FOXI3: variants seen among roughly 807,000 people sequenced by gnomAD.
The protein encoded by FOXI3 is forkhead box I3, also known as forkhead box protein I3.
A neutral mutation model predicts 15.6 loss-of-function variants in FOXI3; 4 were observed. That is an observed-to-expected ratio of 0.26 (90% CI 0.13 to 0.59). The LOEUF is 0.59. Among genes scored for constraint, FOXI3 ranks in the 20% least tolerant of loss-of-function variants. The pLI, the probability that FOXI3 is intolerant of heterozygous loss-of-function variation, is 0.90. For synonymous variants in FOXI3, 238 were observed against 244.4 expected (o/e 0.97, Z 0.25); for missense variants, 489 against 548.2 (o/e 0.89, Z 1.08).
chr2:88,449,788 C>T (rs1478341963), intron 1 of FOXI3, among the ~76,000 whole-genome samples: 2 of 152,058 alleles, frequency 1.3e-5, no homozygotes, highest in South Asian at 2.1e-4. Context: ...GTGCTTTACA[C>T]GGATAACCTC....
rs749482680 is a variant in FOXI3, at chr2:88,451,907, T to A, written c.629A>T (p.Glu210Val). The A allele has an allele frequency of 1.2e-6, 2 of 1,613,326 alleles. No homozygotes were observed. The highest frequency in any genetic ancestry group is 2.2e-5 in the East Asian group (1 of 44,852). The change falls in exon 1 of 2, where the codon GAG becomes GTG. Residue 210 changes from glutamate to valine, a missense_variant. Coordinates refer to ENST00000428390, the MANE Select transcript of FOXI3 (RefSeq NM_001135649.3). ...CCAGCGGCCCTCACCTGGGTCGTCCTCGTCGCGGGGCACCTTCTTGAAGCA... is the reference window on the plus strand; with the variant it reads ...CCAGCGGCCCTCACCTGGGTCGTCCACGTCGCGGGGCACCTTCTTGAAGCA... ...NDCFKKVPRDEDDPGKGNYWT... is the reference protein window; with the variant it reads ...NDCFKKVPRDVDDPGKGNYWT...
In FOXI3 at chr2:88,452,450, G is replaced by T; in HGVS notation, c.86C>A (p.Ala29Asp). The change falls in exon 1 of 2, where the codon GCC (alanine) becomes GAC (aspartate). Residue 29 changes from alanine (A) to aspartate (D), a missense_variant. By Grantham distance (126) the Ala-to-Asp change is moderately radical. Transcript: ENST00000428390. ...GTAAGGCGCCCTGGCTGCCGGGGGG[G>T]CGCCCGGGGCGGCGGCGGTGGCGGC... Reference protein sequence around the residue: ...PPAATAAAPGAPPAARAPYGL... With the variant: ...PPAATAAAPGDPPAARAPYGL... The T allele has an allele frequency of 9.5e-7, 1 of 1,051,586 alleles. No individual in the cohort carries two copies. Among genetic ancestry groups the T allele is most frequent in the African/African-American group, 1.7e-5 (1 of 58,020 alleles). The allele number at this position is 1,051,586 out of a possible 1,614,324, so 65.1% of individuals were successfully genotyped here. A position where few individuals can be genotyped will look rare whatever the true frequency, so the allele number is the denominator to read the frequency against.
Position 88,447,884 on chromosome 2 carries a change from C to T in FOXI3, c.*323G>A, listed in dbSNP as rs781431197. On this transcript the variant is annotated 3_prime_UTR_variant, in exon 2 of 2. Transcript: ENST00000428390. ...TCTGTACACACTTGAGCTTGCAATC[C>T]TGGCATACAGTGATAAACAAAATAG... 5 of 348,174 alleles carry T rather than the reference C, an allele frequency of 1.4e-5. No homozygotes were observed. The highest frequency in any genetic ancestry group is 2.7e-5 in the Non-Finnish European group (5 of 186,886). 21.6% of individuals were successfully genotyped at this position (348,174 alleles called of 1,614,324 possible).
At chr2:88,451,252 T>C (rs978482066) in intron 1 of FOXI3, among the ~76,000 whole-genome samples, 2 of 152,188 alleles carry the variant, frequency 1.3e-5, no homozygotes, top group Admixed American at 6.5e-5. Flanking sequence ...GCAGCAAATA[T>C]GGGATATTCA....
chr2:88,448,667 C>T lies in FOXI3; in HGVS notation c.803G>A (p.Gly268Glu), dbSNP rs1558610802. ...CTCTTCTTCTGGCTTCCCACCCACT[C>T]CAGACCCCAATCCTGAGGAGAGCCC... ...EEGLSSGLGSGVGGKPEEESP... is the reference protein window; with the variant it reads ...EEGLSSGLGSEVGGKPEEESP... Residue 268 changes from glycine to glutamate, a missense_variant, in exon 2 of 2, where the codon GGA becomes GAA. Physicochemically the swap from Gly to Glu is moderately conservative, Grantham distance 98 (BLOSUM62 -2). Transcript: ENST00000428390. 6.4e-7 allele frequency: 1 copy of T among 1,551,822 alleles called. No homozygotes were observed. Among genetic ancestry groups the T allele is most frequent in the Non-Finnish European group, 8.7e-7 (1 of 1,147,022 alleles).
intron 1 of FOXI3, among the ~76,000 whole-genome samples, chr2:88,451,695 T>C (rs1676048798): frequency 6.6e-6 from 1 of 152,242 alleles, no homozygotes; most frequent in Non-Finnish European, 1.5e-5. Flanking sequence ...AGCTCCTTTC[T>C]CACTGAGTCT....
chr2:88,448,999 A>T (rs1675997323), intron 1 of FOXI3, among the ~76,000 whole-genome samples, 170 bp from the exon 2 acceptor site: 1 of 152,200 alleles, frequency 6.6e-6, no homozygotes, highest in African/African-American at 2.4e-5. Context: ...TTTGCTTCAG[A>T]GAAAAATCCA....
At position 88,448,114 on chromosome 2, in the gene FOXI3, A is replaced by G. The variant is rs1675968928; in HGVS notation, c.*93T>C. Reference sequence around the variant, plus strand: ...GGAACTCGACAGAAACGCAGAACTCAGGTCCTACCCCAGACCTACTGACTT... The same window carrying G: ...GGAACTCGACAGAAACGCAGAACTCGGGTCCTACCCCAGACCTACTGACTT... On this transcript the variant is annotated 3_prime_UTR_variant, in exon 2 of 2. Transcript: ENST00000428390. 2.6e-6 allele frequency: 3 copies of G among 1,167,384 alleles called. No individual in the cohort carries two copies. The highest frequency in any genetic ancestry group is 2.5e-5 in the Admixed American group (1 of 40,088). 72.3% of individuals were successfully genotyped at this position (1,167,384 alleles called of 1,614,324 possible). A position where few individuals can be genotyped will look rare whatever the true frequency, so the allele number is the denominator to read the frequency against.
At chr2:88,448,931 A>G in intron 1 of FOXI3, 102 bp from the exon 2 acceptor site, 1 of 1,276,180 alleles carries the variant, frequency 7.8e-7, no homozygotes, top group Non-Finnish European at 1.1e-6. Flanking sequence ...GATGCTGACA[A>G]AGATGCTCAA....
chr2:88,452,592 C>G lies in FOXI3; in HGVS notation c.-57G>C, dbSNP rs925277868. ...GCGGCGAGGGGCGAGCGGGGCTGGT[C>G]TCGCCGCTCGGGCGAGAGCATCCCT... On this transcript the variant is annotated 5_prime_UTR_variant, in exon 1 of 2. Coordinates refer to ENST00000428390, the MANE Select transcript of FOXI3 (RefSeq NM_001135649.3). The G allele has an allele frequency of 7.2e-5, 73 of 1,020,926 alleles. No individual in the cohort carries two copies. The highest frequency in any genetic ancestry group is 8.5e-5 in the Non-Finnish European group (72 of 845,968). 63.2% of individuals were successfully genotyped at this position (1,020,926 alleles called of 1,614,324 possible).
Position 88,448,056 on chromosome 2 carries a change from C to G in FOXI3, c.*151G>C. 2.9e-6 allele frequency: 2 copies of G among 687,186 alleles called. No homozygotes were observed. Among genetic ancestry groups the G allele is most frequent in the Non-Finnish European group, 4.8e-6 (2 of 413,880 alleles). The allele number at this position is 687,186 out of a possible 1,614,324, so 42.6% of individuals were successfully genotyped here. On this transcript the variant is annotated 3_prime_UTR_variant, in exon 2 of 2. Coordinates refer to ENST00000428390, the MANE Select transcript of FOXI3 (RefSeq NM_001135649.3). ...AGTTATCTACTACACCCTCATTACT[C>G]CAAGTGTGGTCAAAGGACCACGAGA...
chr2:88,448,489 A>C lies in FOXI3; in HGVS notation c.981T>G (p.Ser327Arg). The change falls in exon 2 of 2, where the codon AGT becomes AGG. Residue 327 changes from serine (S) to arginine (R), a missense_variant. Ser to Arg is a moderately radical substitution (Grantham distance 110). Coordinates refer to ENST00000428390, the MANE Select transcript of FOXI3 (RefSeq NM_001135649.3). ...SSLSSLSVSSSVSTQRALPGS... is the reference protein window; with the variant it reads ...SSLSSLSVSSRVSTQRALPGS... ...CAGGGAGAGCCCGCTGGGTACTCAC[A>C]CTGCTGCTGACACTCAAGGAGCTGA... 1 of 1,551,718 alleles carries C rather than the reference A, an allele frequency of 6.4e-7. No individual in the cohort carries two copies. Among genetic ancestry groups the C allele is most frequent in the Non-Finnish European group, 8.7e-7 (1 of 1,146,988 alleles).
chr2:88,450,071 G>T (rs1468723939), intron 1 of FOXI3, among the ~76,000 whole-genome samples: 1 of 152,098 alleles, frequency 6.6e-6, no homozygotes, highest in East Asian at 1.9e-4. Flanking sequence ...GGCCTCAAGC[G>T]ATCCTCCCAC....
intron 1 of FOXI3, among the ~76,000 whole-genome samples, chr2:88,450,110 A>G (rs1266453986): frequency 6.6e-6 from 1 of 151,580 alleles, no homozygotes; most frequent in Non-Finnish European, 1.5e-5. Flanking sequence ...CTGGTATGAC[A>G]GGAGTATACC....
Position 88,448,241 on chromosome 2 carries a change from C to T in FOXI3, c.1229G>A (p.Ser410Asn), listed in dbSNP as rs1280766107. 2 of 1,551,546 alleles carry T rather than the reference C, an allele frequency of 1.3e-6. No individual in the cohort carries two copies. The highest frequency in any genetic ancestry group is 1.7e-6 in the Non-Finnish European group (2 of 1,146,996). Residue 410 changes from serine to asparagine, a missense_variant, in exon 2 of 2, where the codon AGC (serine) becomes AAC (asparagine). By Grantham distance (46) the Ser-to-Asn change is conservative. Coordinates refer to ENST00000428390, the MANE Select transcript of FOXI3 (RefSeq NM_001135649.3). ...GGAGCCCTCTCGGGGGTAGATGAGG[C>T]TGTTCACCATGCTAAAGTTGTGGAA... is the stretch of plus-strand genomic sequence containing the variant. ...SPFHNFSMVN[S>N]LIYPREGSEV
intron 1 of FOXI3, among the ~76,000 whole-genome samples, chr2:88,449,366 TAAC>T (rs1256382142): frequency 1.3e-5 from 2 of 152,220 alleles, no homozygotes; most frequent in African/African-American, 4.8e-5. Context: ...AAACAGCACT[TAAC>T]AATTATTATT....
intron 1 of FOXI3, among the ~76,000 whole-genome samples, chr2:88,450,670 T>C (rs1446822855): frequency 6.6e-6 from 1 of 152,188 alleles, no homozygotes; most frequent in Non-Finnish European, 1.5e-5. Flanking sequence ...ATTTACATGA[T>C]AATCTTGGGT....
intron 1 of FOXI3, among the ~76,000 whole-genome samples, chr2:88,451,112 C>T (rs991111882): frequency 6.6e-6 from 1 of 152,126 alleles, no homozygotes; most frequent in African/African-American, 2.4e-5. Context: ...CTGAAAACCT[C>T]AAGTAGGATT....
At chr2:88,450,958 A>T (rs1281081298) in intron 1 of FOXI3, among the ~76,000 whole-genome samples, 2 of 152,200 alleles carry the variant, frequency 1.3e-5, no homozygotes, top group Non-Finnish European at 2.9e-5. Context: ...CAGTGACTTC[A>T]GGGATGAGCT....
Sources: allele counts gnomAD v4.1 joint callset (sites outside exome capture counted in the v4.1 genomes callset), GRCh38; gene constraint gnomAD v4.1.1; transcripts MANE v1.5; gene names NCBI Gene and HGNC (gene_info 2026-07-23, HGNC 2026-07-21).